ARHGAP18: variants seen among roughly 807,000 people sequenced by gnomAD.
The protein encoded by ARHGAP18 is rho GTPase-activating protein 18.
In ARHGAP18, 67 loss-of-function variants were observed where a neutral mutation model predicts 86.2. The ratio of observed to expected loss-of-function variants is 0.78; its 90% CI spans 0.64 to 0.95. The LOEUF is 0.95. Ranked by LOEUF, ARHGAP18 falls within the 40% of genes least tolerant of loss-of-function variation. ARHGAP18 has a pLI of 0.00. For missense variants in ARHGAP18, 691 were observed against 780.4 expected, an observed-to-expected ratio of 0.89 and a Z score of 1.37; for synonymous variants, 283 against 280.4, an observed-to-expected ratio of 1.01 and a Z score of -0.09.
intron 1 of ARHGAP18, among the ~76,000 whole-genome samples, chr6:129,697,848 C>T (rs1012523445): frequency 6.6e-6 from 1 of 152,132 alleles, no homozygotes; most frequent in Non-Finnish European, 1.5e-5. Context: ...TAAAAATATT[C>T]CATCAGATGA....
intron 1 of ARHGAP18, among the ~76,000 whole-genome samples, chr6:129,695,548 A>G (rs1015466718): frequency 1.3e-5 from 2 of 152,202 alleles, no homozygotes; most frequent in African/African-American, 4.8e-5. Flanking sequence ...AGCTAAGTTT[A>G]AAAGGGGATT....
intron 1 of ARHGAP18, among the ~76,000 whole-genome samples, chr6:129,708,235 G>C (rs1399403465): frequency 2.0e-5 from 3 of 152,134 alleles, no homozygotes; most frequent in Admixed American, 2.0e-4. Context: ...ACGATCCCTA[G>C]AACTAATTCA....
At chr6:129,662,914 G>C (rs1323960718) in intron 1 of ARHGAP18, among the ~76,000 whole-genome samples, 1 of 152,152 alleles carries the variant, frequency 6.6e-6, no homozygotes, top group Non-Finnish European at 1.5e-5. Context: ...AAATGTAAAT[G>C]TTAATTAAAA....
intron 1 of ARHGAP18, among the ~76,000 whole-genome samples, chr6:129,681,241 C>A (rs1433236495): frequency 6.6e-6 from 1 of 152,162 alleles, no homozygotes; most frequent in Non-Finnish European, 1.5e-5. Flanking sequence ...CCATGTCCAG[C>A]TAATTTTTGT....
intron 1 of ARHGAP18, among the ~76,000 whole-genome samples, chr6:129,642,907 C>A (rs10456982): frequency 0.35 from 53,008 of 151,628 alleles, 9,805 homozygotes; most frequent in African/African-American, 0.47. Context: ...AAATTCAAAA[C>A]TGGGGTACAA....
At chr6:129,674,481 C>T (rs1216252529) in intron 1 of ARHGAP18, among the ~76,000 whole-genome samples, 1 of 152,184 alleles carries the variant, frequency 6.6e-6, no homozygotes. Flanking sequence ...CCATGAGTTC[C>T]ACATCTGTGG....
In ARHGAP18 at chr6:129,576,933, C is replaced by T. The variant is rs998408151; in HGVS notation, c.*1580G>A. 1 of 151,716 alleles carries T rather than the reference C, an allele frequency of 6.6e-6. No homozygotes were observed. The highest frequency in any genetic ancestry group is 2.4e-5 in the African/African-American group (1 of 41,310). 9.4% of individuals were successfully genotyped at this position (151,716 alleles called of 1,614,324 possible). A position where few individuals can be genotyped will look rare whatever the true frequency, so the allele number is the denominator to read the frequency against. ...AAAGGAAAAAAACTAAAGACGAAAA[C>T]ATATTTACATCTCTGACATCTTCCT... On this transcript the variant is annotated 3_prime_UTR_variant, in exon 15 of 15. Coordinates refer to ENST00000368149, the MANE Select transcript of ARHGAP18 (RefSeq NM_033515.3).
intron 1 of ARHGAP18, among the ~76,000 whole-genome samples, chr6:129,709,287 GA>G (rs556793081): frequency 0.018 from 2,661 of 145,508 alleles, 46 homozygotes; most frequent in Admixed American, 0.043. Flanking sequence ...AGGAGAGAAA[GA>G]AAAAAAAAAG....
At chr6:129,630,757 A>G (rs1773185906) in intron 4 of ARHGAP18, among the ~76,000 whole-genome samples, 1 of 152,168 alleles carries the variant, frequency 6.6e-6, no homozygotes, top group Admixed American at 6.5e-5. Context: ...CTCCAGGCTC[A>G]GGAGGGTTCC....
intron 5 of ARHGAP18, among the ~76,000 whole-genome samples, chr6:129,629,030 C>T (rs1562700256): frequency 6.6e-6 from 1 of 151,990 alleles, no homozygotes; most frequent in African/African-American, 2.4e-5. Context: ...ATGGTGTTTG[C>T]CATACTATTC....
chr6:129,667,015 G>C (rs1314964591), intron 1 of ARHGAP18, among the ~76,000 whole-genome samples: 1 of 151,888 alleles, frequency 6.6e-6, no homozygotes, highest in African/African-American at 2.4e-5. Context: ...AAAATTCAAA[G>C]TCTTATATGG....
At chr6:129,616,586 G>A (rs1009341453) in intron 6 of ARHGAP18, among the ~76,000 whole-genome samples, 1 of 152,118 alleles carries the variant, frequency 6.6e-6, no homozygotes, top group Non-Finnish European at 1.5e-5. Flanking sequence ...GAGAAACAGA[G>A]GGCTGTGAGA....
At chr6:129,657,597 A>G (rs2114515759) in intron 1 of ARHGAP18, among the ~76,000 whole-genome samples, 1 of 152,326 alleles carries the variant, frequency 6.6e-6, no homozygotes, top group East Asian at 1.9e-4. Context: ...TCTGCATCGC[A>G]AAATACATTT....
chr6:129,616,693 A>T (rs1769930054), intron 6 of ARHGAP18, among the ~76,000 whole-genome samples: 2 of 152,136 alleles, frequency 1.3e-5, no homozygotes, highest in South Asian at 4.1e-4. Flanking sequence ...TATGTCTATA[A>T]CCCCAGCACT....
chr6:129,672,885 G>A (rs567993557), intron 1 of ARHGAP18, among the ~76,000 whole-genome samples: 10 of 152,246 alleles, frequency 6.6e-5, no homozygotes, highest in East Asian at 1.9e-4. Flanking sequence ...TATTAACAAC[G>A]ACAGACTTTC....
At chr6:129,600,151 A>T (rs1025854547) in intron 11 of ARHGAP18, among the ~76,000 whole-genome samples, 2 of 152,162 alleles carry the variant, frequency 1.3e-5, no homozygotes, top group Admixed American at 1.3e-4. Context: ...CTAAATGCTT[A>T]TAAGATGCCT....
intron 1 of ARHGAP18, among the ~76,000 whole-genome samples, chr6:129,693,064 C>T (rs536090188): frequency 6.6e-6 from 1 of 152,276 alleles, no homozygotes; most frequent in East Asian, 1.9e-4. Context: ...CTTCTGTCCC[C>T]CTGAAATATA....
intron 1 of ARHGAP18, among the ~76,000 whole-genome samples, chr6:129,686,845 C>T (rs1324067669): frequency 7.0e-6 from 1 of 143,368 alleles, no homozygotes; most frequent in African/African-American, 2.6e-5. Flanking sequence ...GGCCGGTGTG[C>T]AATGGCGCGA....
chr6:129,605,837 T>C, intron 10 of ARHGAP18, 40 bp downstream of exon 10: 1 of 1,533,350 alleles, frequency 6.5e-7, no homozygotes, highest in Non-Finnish European at 9.0e-7. Context: ...TTACTGTGCT[T>C]ACTTCTAAGG....
Sources: allele counts gnomAD v4.1 joint callset (sites outside exome capture counted in the v4.1 genomes callset), GRCh38; gene constraint gnomAD v4.1.1; transcripts MANE v1.5; gene names NCBI Gene and HGNC (gene_info 2026-07-23, HGNC 2026-07-21).